Variants in ZC4H2 observed in about 807,000 individuals in gnomAD.
The protein encoded by ZC4H2 is zinc finger C4H2-type containing.
For synonymous variants in ZC4H2, 84 were observed against 66.3 expected (o/e 1.27, Z -1.30); for missense variants, 137 against 173.9 (o/e 0.79, Z 1.19).
chrX:64,933,755 T>C (rs1019862067), intron 1 of ZC4H2, among the ~76,000 whole-genome samples: 1 of 111,283 alleles, frequency 9.0e-6, no homozygotes, highest in Non-Finnish European at 1.9e-5. Context: ...TAAAGCTTAT[T>C]TCCTTCTCTC....
chrX:64,929,213 GA>G (rs1368651326), intron 1 of ZC4H2, among the ~76,000 whole-genome samples: 5 of 109,883 alleles, frequency 4.6e-5, no homozygotes, highest in Admixed American at 2.9e-4. Context: ...TTTTTGATGG[GA>G]TTTTTTTTGT....
intron 1 of ZC4H2, among the ~76,000 whole-genome samples, chrX:64,942,246 T>G (rs996635036): frequency 1.8e-5 from 2 of 111,586 alleles, no homozygotes; most frequent in Non-Finnish European, 3.8e-5. Flanking sequence ...GATATCCCCT[T>G]TATCACTACT....
chrX:64,956,180 C>G (rs1008357471), intron 1 of ZC4H2, among the ~76,000 whole-genome samples: 2 of 111,600 alleles, frequency 1.8e-5, no homozygotes, highest in African/African-American at 6.5e-5. Flanking sequence ...GCACTTGTCG[C>G]CTATGGAGAA....
At chrX:64,927,004 G>A (rs1194779222) in intron 1 of ZC4H2, among the ~76,000 whole-genome samples, 1 of 111,639 alleles carries the variant, frequency 9.0e-6, no homozygotes, top group African/African-American at 3.3e-5. Flanking sequence ...TTCTAGATTT[G>A]AGTATTTCCG....
At chrX:64,996,148 C>A (rs575776635) in intron 1 of ZC4H2, among the ~76,000 whole-genome samples, 1 of 111,528 alleles carries the variant, frequency 9.0e-6, no homozygotes, top group Non-Finnish European at 1.9e-5. Context: ...GATGAAGGAG[C>A]GGCCCAGCAT....
chrX:65,006,413 C>A (rs895911439), intron 1 of ZC4H2, among the ~76,000 whole-genome samples: 7 of 110,812 alleles, frequency 6.3e-5, no homozygotes, highest in Non-Finnish European at 1.3e-4. Flanking sequence ...TTTGTAGGGA[C>A]ATGGATGAAG....
chrX:65,024,014 C>T, intron 1 of ZC4H2, among the ~76,000 whole-genome samples: 1 of 111,007 alleles, frequency 9.0e-6, no homozygotes, highest in Admixed American at 9.6e-5. Flanking sequence ...GAACAGGAAA[C>T]CAAACACCAC....
intron 1 of ZC4H2, among the ~76,000 whole-genome samples, chrX:64,974,887 G>A (rs904474802): frequency 2.0e-5 from 2 of 102,121 alleles, no homozygotes; most frequent in Non-Finnish European, 3.9e-5. Context: ...GCAAGCCTAA[G>A]CTTCTGACTA....
At chrX:64,954,037 A>C (rs1349291933) in intron 1 of ZC4H2, among the ~76,000 whole-genome samples, 3 of 108,336 alleles carry the variant, frequency 2.8e-5, no homozygotes, top group Non-Finnish European at 5.7e-5. Context: ...ATGAAGCTGG[A>C]AACCATCATT....
chrX:64,921,751 G>C (rs1929204151), intron 2 of ZC4H2, 66 bp downstream of exon 2: 1 of 1,119,142 alleles, frequency 8.9e-7, no homozygotes, highest in African/African-American at 1.8e-5. Flanking sequence ...CTCAAGGAAA[G>C]GCCCTATCAT....
chrX:65,031,666 T>A (rs189814705), intron 1 of ZC4H2, among the ~76,000 whole-genome samples: 1 of 112,229 alleles, frequency 8.9e-6, no homozygotes, highest in African/African-American at 3.2e-5. Context: ...TAGATAAATC[T>A]CTCCAGAGAC....
intron 1 of ZC4H2, among the ~76,000 whole-genome samples, chrX:65,024,606 G>A (rs1010417823): frequency 9.0e-6 from 1 of 111,261 alleles, no homozygotes; most frequent in Non-Finnish European, 1.9e-5. Context: ...TATGTTAATC[G>A]CCACACTATT....
chrX:64,953,194 G>A (rs910929638), intron 1 of ZC4H2, among the ~76,000 whole-genome samples: 1 of 112,152 alleles, frequency 8.9e-6, no homozygotes, highest in African/African-American at 3.2e-5. Context: ...AGACCTAAAT[G>A]TTAGACCTAA....
intron 4 of ZC4H2, 196 bp downstream of exon 4, chrX:64,918,846 G>A: frequency 2.5e-6 from 1 of 398,993 alleles, no homozygotes. Context: ...ACACCTCTGG[G>A]AACATGGGGC....
chrX:64,967,447 G>A (rs748509860), intron 1 of ZC4H2, among the ~76,000 whole-genome samples: 13 of 111,977 alleles, frequency 1.2e-4, no homozygotes, highest in East Asian at 2.8e-4. Flanking sequence ...CCAGAAGTGC[G>A]CTGGTTCTTG....
chrX:65,025,372 A>G (rs867935588), intron 1 of ZC4H2, among the ~76,000 whole-genome samples: 1 of 109,807 alleles, frequency 9.1e-6, no homozygotes, highest in Non-Finnish European at 1.9e-5. Flanking sequence ...GCAAATCTTT[A>G]CTAGTTCTGT....
chrX:64,979,062 G>A (rs916368760), upstream of ZC4H2, among the ~76,000 whole-genome samples: 3 of 111,619 alleles, frequency 2.7e-5, no homozygotes, highest in Admixed American at 9.5e-5. Flanking sequence ...AATAATTTGG[G>A]AACTATCTTG....
chrX:64,947,902 T>C (rs758583649), intron 1 of ZC4H2, among the ~76,000 whole-genome samples: 1 of 110,620 alleles, frequency 9.0e-6, no homozygotes, highest in South Asian at 3.9e-4. Flanking sequence ...CTGGCCTCCC[T>C]GAATCTGCTG....
chrX:65,034,261 G>T (rs1320432232), intron 1 of ZC4H2, among the ~76,000 whole-genome samples: 2 of 111,090 alleles, frequency 1.8e-5, no homozygotes, highest in African/African-American at 6.6e-5. Context: ...AGAAAGACAA[G>T]TCTAAAGGCA....
Sources: allele counts gnomAD v4.1 joint callset (sites outside exome capture counted in the v4.1 genomes callset), GRCh38; gene constraint gnomAD v4.1.1; transcripts MANE v1.5; gene names NCBI Gene and HGNC (gene_info 2026-07-23, HGNC 2026-07-21).